The following MYLK4 variants were observed in gnomAD, a reference collection of about 807,000 sequenced individuals.
The protein encoded by MYLK4 is myosin light chain kinase family member 4.
A neutral mutation model predicts 48.1 loss-of-function variants in MYLK4; 46 were observed. The ratio of observed to expected loss-of-function variants is 0.96; its 90% CI spans 0.75 to 1.22. The LOEUF (loss-of-function observed/expected upper bound fraction) is 1.22. Among genes scored for constraint, MYLK4 ranks in the 50% most tolerant of loss-of-function variants. The pLI is 0.00. For missense variants in MYLK4, 451 were observed against 486.1 expected, an observed-to-expected ratio of 0.93 and a Z score of 0.68; for synonymous variants, 170 against 180.8, an observed-to-expected ratio of 0.94 and a Z score of 0.48.
intron 2 of MYLK4, among the ~76,000 whole-genome samples, chr6:2,735,716 T>C (rs1763647062): frequency 6.6e-6 from 1 of 152,158 alleles, no homozygotes; most frequent in East Asian, 1.9e-4. Context: ...TCAGCGTATG[T>C]AGTCGATGCA....
upstream of MYLK4, among the ~76,000 whole-genome samples, chr6:2,755,658 C>A (rs531579707): frequency 6.6e-6 from 1 of 152,288 alleles, no homozygotes; most frequent in South Asian, 2.1e-4. Context: ...CCTGCCTCAG[C>A]CCTCCAAGTA....
intron 10 of MYLK4, 25 bp from the exon 11 acceptor site, chr6:2,675,150 T>A (rs1296122640): frequency 2.5e-6 from 4 of 1,571,434 alleles, no homozygotes; most frequent in Non-Finnish European, 3.5e-6. Flanking sequence ...AGAAGGTGAT[T>A]AGTAGAAACA....
intron 12 of MYLK4, among the ~76,000 whole-genome samples, 151 bp downstream of exon 12, chr6:2,671,125 T>G (rs975693351): frequency 6.6e-6 from 1 of 152,130 alleles, no homozygotes; most frequent in African/African-American, 2.4e-5. Flanking sequence ...AGAGGCAGGG[T>G]GCAAACACAG....
At chr6:2,703,665 CTTTTTTT>C (rs3055234) in intron 2 of MYLK4, among the ~76,000 whole-genome samples, 10 of 95,120 alleles carry the variant, frequency 1.1e-4, no homozygotes, top group South Asian at 4.5e-4. Flanking sequence ...TTTGTGAATT[CTTTTTTT>C]TTTTTTTTTT....
chr6:2,689,654 T>G (rs563261252), intron 3 of MYLK4, among the ~76,000 whole-genome samples: 4 of 152,374 alleles, frequency 2.6e-5, no homozygotes, highest in African/African-American at 9.6e-5. Flanking sequence ...CTCCCAGTAT[T>G]CTTTCACCTT....
At chr6:2,706,227 T>A (rs1261687294) in intron 2 of MYLK4, among the ~76,000 whole-genome samples, 1 of 152,206 alleles carries the variant, frequency 6.6e-6, no homozygotes, top group African/African-American at 2.4e-5. Context: ...TTCTGTGATG[T>A]TTAGAAGAGT....
chr6:2,768,637 G>C, the MYLK4 span: 1 of 1,481,310 alleles, frequency 6.8e-7, no homozygotes, highest in Non-Finnish European at 9.1e-7. Context: ...CATGGGTGCT[G>C]GTCTCTCTGT....
chr6:2,731,831 C>G (rs1380556105), intron 2 of MYLK4, among the ~76,000 whole-genome samples: 1 of 152,182 alleles, frequency 6.6e-6, no homozygotes, highest in Non-Finnish European at 1.5e-5. Context: ...ATAAAAGGAC[C>G]TGGAGATTTG....
Position 2,684,547 on chromosome 6 carries a change from T to G in MYLK4, c.545+749A>C, listed in dbSNP as rs570039117. 6.9e-4 allele frequency among the ~76,000 whole-genome samples: 105 copies of G among 152,300 alleles called. 3 individuals carry two copies. The South Asian group carries it at 0.021, about 31-fold the overall frequency. Reference sequence around the variant, plus strand: ...TGGAATTGCAGTCGGCCCTCCCTATTCGTGGGTTCTGTTTCCACAGGTTCA... The same window carrying G: ...TGGAATTGCAGTCGGCCCTCCCTATGCGTGGGTTCTGTTTCCACAGGTTCA... On this transcript the variant is annotated intron_variant, in intron 6 of 12. Transcript: ENST00000274643.
the MYLK4 span, among the ~76,000 whole-genome samples, chr6:2,767,796 G>C: frequency 6.6e-6 from 1 of 152,186 alleles, no homozygotes; most frequent in Non-Finnish European, 1.5e-5. Context: ...GGTTTGGGTG[G>C]TCCAGGCTGC....
intron 2 of MYLK4, among the ~76,000 whole-genome samples, chr6:2,742,995 G>C (rs1763950268): frequency 6.6e-6 from 1 of 152,140 alleles, no homozygotes; most frequent in South Asian, 2.1e-4. Context: ...AATGAAAATT[G>C]GTTCTTCTGG....
At chr6:2,693,800 C>T (rs1277161052) in intron 2 of MYLK4, among the ~76,000 whole-genome samples, 1 of 148,154 alleles carries the variant, frequency 6.7e-6, no homozygotes, top group Non-Finnish European at 1.5e-5. Flanking sequence ...TCTTGTTGCC[C>T]AGGCTGGAGT....
the MYLK4 span, among the ~76,000 whole-genome samples, chr6:2,769,170 A>G: frequency 2.0e-5 from 3 of 152,232 alleles, no homozygotes; most frequent in East Asian, 5.8e-4. Context: ...TTTTAATCTA[A>G]ATACTAGGAG....
intron 2 of MYLK4, among the ~76,000 whole-genome samples, chr6:2,727,946 CAAAAAAAAAAA>C (rs10716559): frequency 9.5e-6 from 1 of 104,874 alleles, no homozygotes; most frequent in Non-Finnish European, 2.0e-5. Flanking sequence ...GACTCCGTCT[CAAAAAAAAAAA>C]AAAAAAAAAA....
chr6:2,763,503 G>A, the MYLK4 span, among the ~76,000 whole-genome samples: 3 of 152,352 alleles, frequency 2.0e-5, no homozygotes, highest in African/African-American at 4.8e-5. Flanking sequence ...GGCGAGAAGT[G>A]CTGTCCCAAG....
chr6:2,677,808 T>C (rs925338191), intron 10 of MYLK4, among the ~76,000 whole-genome samples: 1 of 152,128 alleles, frequency 6.6e-6, no homozygotes, highest in African/African-American at 2.4e-5. Flanking sequence ...AAAGAGATAA[T>C]GTCTACAAAG....
intron 6 of MYLK4, 150 bp from the exon 7 acceptor site, chr6:2,683,312 T>A: frequency 1.2e-6 from 1 of 844,892 alleles, no homozygotes; most frequent in South Asian, 1.7e-5. Context: ...CTTACTTAGA[T>A]GATTCTTATC....
chr6:2,671,022 A>G (rs1324495), intron 12 of MYLK4, among the ~76,000 whole-genome samples: 92,955 of 151,606 alleles, frequency 0.61, 29,257 homozygotes, highest in East Asian at 0.93. Flanking sequence ...GCTTTGCTTG[A>G]ATGATCTCGT....
At chr6:2,742,858 TA>T (rs2113364503) in intron 2 of MYLK4, among the ~76,000 whole-genome samples, 1 of 152,000 alleles carries the variant, frequency 6.6e-6, no homozygotes, top group African/African-American at 2.4e-5. Flanking sequence ...CCCTAAAACT[TA>T]AAGTATAATA....
Sources: gnomAD v4.1 joint callset for allele counts (sites outside exome capture counted in the v4.1 genomes callset) on GRCh38, gnomAD v4.1.1 for gene constraint, MANE v1.5 for transcripts, NCBI Gene and HGNC (gene_info 2026-07-23, HGNC 2026-07-21) for gene names.